The following CCSER1 variants were observed in gnomAD, a reference collection of about 807,000 sequenced individuals.
CCSER1 encodes coiled-coil serine rich protein 1.
CCSER1 carries 41 observed loss-of-function variants against 82.0 expected under a neutral mutation model. The ratio of observed to expected loss-of-function variants is 0.50; its 90% CI spans 0.39 to 0.65. The LOEUF is 0.65. Ranked by LOEUF, CCSER1 falls within the 30% of genes least tolerant of loss-of-function variation. The pLI, the probability that CCSER1 is intolerant of heterozygous loss-of-function variation, is 0.00. For missense variants in CCSER1, 1,119 were observed against 1,064.2 expected (o/e 1.05, Z -0.72); for synonymous variants, 414 against 383.9 (o/e 1.08, Z -0.92).
chr4:91,275,536 G>A (rs934233270), intron 10 of CCSER1, among the ~76,000 whole-genome samples: 5 of 152,016 alleles, frequency 3.3e-5, no homozygotes, highest in South Asian at 4.1e-4. Context: ...TTTCTTTTCC[G>A]TTAAATTGTT....
At chr4:90,483,204 T>A (rs1233609448) in intron 5 of CCSER1, among the ~76,000 whole-genome samples, 1 of 152,212 alleles carries the variant, frequency 6.6e-6, no homozygotes, top group Admixed American at 6.5e-5. Context: ...CCCCTGCCTT[T>A]TTTTGTTTTC....
chr4:91,500,091 G>A (rs1759127205), intron 10 of CCSER1, among the ~76,000 whole-genome samples: 1 of 151,972 alleles, frequency 6.6e-6, no homozygotes, highest in South Asian at 2.1e-4. Context: ...ATTTACACCA[G>A]CATTGAATAA....
intron 3 of CCSER1, among the ~76,000 whole-genome samples, chr4:90,378,102 T>A (rs1457745338): frequency 6.6e-6 from 1 of 152,190 alleles, no homozygotes; most frequent in South Asian, 2.1e-4. Flanking sequence ...ACAATGCTTT[T>A]CAGCTCTTTA....
chr4:91,533,932 T>C (rs1260257896), intron 10 of CCSER1, among the ~76,000 whole-genome samples: 1 of 152,036 alleles, frequency 6.6e-6, no homozygotes, highest in Non-Finnish European at 1.5e-5. Flanking sequence ...TGCAGGAATA[T>C]GCCTAAACAA....
intron 10 of CCSER1, among the ~76,000 whole-genome samples, chr4:91,265,658 TAG>T: frequency 6.6e-6 from 1 of 152,302 alleles, no homozygotes; most frequent in East Asian, 1.9e-4. Flanking sequence ...TTTTTTATTG[TAG>T]TTGTAATGGT....
intron 3 of CCSER1, among the ~76,000 whole-genome samples, chr4:90,397,428 A>G (rs1752130602): frequency 6.6e-6 from 1 of 152,226 alleles, no homozygotes; most frequent in Admixed American, 6.5e-5. Flanking sequence ...TGAATGTATT[A>G]ACTGTCAGAA....
chr4:91,316,483 C>T (rs1046318765), intron 10 of CCSER1, among the ~76,000 whole-genome samples: 2 of 151,952 alleles, frequency 1.3e-5, no homozygotes, highest in Non-Finnish European at 2.9e-5. Flanking sequence ...TGATAGAATT[C>T]ATTCATTACT....
At chr4:91,297,857 T>G (rs781725053) in intron 10 of CCSER1, among the ~76,000 whole-genome samples, 2 of 152,002 alleles carry the variant, frequency 1.3e-5, no homozygotes, top group Non-Finnish European at 2.9e-5. Flanking sequence ...AAAACAGTAT[T>G]TTTTGAATAA....
At chr4:91,048,520 G>C (rs1355545760) in intron 9 of CCSER1, among the ~76,000 whole-genome samples, 4 of 152,012 alleles carry the variant, frequency 2.6e-5, no homozygotes, top group African/African-American at 4.8e-5. Flanking sequence ...CCTGAAATAT[G>C]ATTTGTATTA....
At chr4:90,888,718 G>GA (rs1213520769) in intron 8 of CCSER1, among the ~76,000 whole-genome samples, 3 of 151,722 alleles carry the variant, frequency 2.0e-5, no homozygotes, top group African/African-American at 4.8e-5. Flanking sequence ...AGATACAAGT[G>GA]AAAAAAAATT....
At chr4:90,850,970 A>G (rs984032468) in intron 8 of CCSER1, among the ~76,000 whole-genome samples, 3 of 152,124 alleles carry the variant, frequency 2.0e-5, no homozygotes, top group Non-Finnish European at 4.4e-5. Flanking sequence ...GAGATAATTG[A>G]ATCATGGACG....
At chr4:90,516,528 G>A (rs1023333659) in intron 5 of CCSER1, among the ~76,000 whole-genome samples, 2 of 152,150 alleles carry the variant, frequency 1.3e-5, no homozygotes, top group East Asian at 3.9e-4. Flanking sequence ...TTCAGTTGAG[G>A]GTCACACTCA....
chr4:90,473,644 T>G (rs1033501731), intron 5 of CCSER1, among the ~76,000 whole-genome samples: 1 of 152,192 alleles, frequency 6.6e-6, no homozygotes, highest in Non-Finnish European at 1.5e-5. Flanking sequence ...GCTTAAAGTT[T>G]TGTCAGCTCT....
At chr4:90,937,859 T>C (rs1474787737) in intron 9 of CCSER1, among the ~76,000 whole-genome samples, 1 of 152,154 alleles carries the variant, frequency 6.6e-6, no homozygotes, top group Non-Finnish European at 1.5e-5. Context: ...TCAGTTCTAT[T>C]TAACCTACCT....
intron 9 of CCSER1, among the ~76,000 whole-genome samples, chr4:91,054,438 G>A (rs1743265088): frequency 6.6e-6 from 1 of 151,696 alleles, no homozygotes; most frequent in Non-Finnish European, 1.5e-5. Flanking sequence ...TTGGTTTATT[G>A]AGCCTTTTAT....
At chr4:91,251,773 T>C (rs1740278388) in intron 10 of CCSER1, among the ~76,000 whole-genome samples, 1 of 152,192 alleles carries the variant, frequency 6.6e-6, no homozygotes, top group East Asian at 1.9e-4. Context: ...CATATGCACA[T>C]ATATGCCACA....
intron 4 of CCSER1, among the ~76,000 whole-genome samples, chr4:90,457,637 A>G (rs1489200496): frequency 6.6e-6 from 1 of 152,178 alleles, no homozygotes; most frequent in Non-Finnish European, 1.5e-5. Context: ...TAATGTCTCT[A>G]CAAATCTGGC....
chr4:90,354,099 G>A (rs1743996836), intron 3 of CCSER1, among the ~76,000 whole-genome samples: 1 of 152,060 alleles, frequency 6.6e-6, no homozygotes, highest in Non-Finnish European at 1.5e-5. Flanking sequence ...TTAATGTAAT[G>A]AAATACTATT....
intron 1 of CCSER1, among the ~76,000 whole-genome samples, chr4:90,220,358 A>AT (rs1358368063): frequency 6.6e-6 from 1 of 152,016 alleles, no homozygotes; most frequent in Non-Finnish European, 1.5e-5. Flanking sequence ...TCAAAACAAC[A>AT]AACTATGCTT....
Sources: gnomAD v4.1 joint callset for allele counts (sites outside exome capture counted in the v4.1 genomes callset) on GRCh38, gnomAD v4.1.1 for gene constraint, MANE v1.5 for transcripts, NCBI Gene and HGNC (gene_info 2026-07-23, HGNC 2026-07-21) for gene names.